The following KIF6 variants were observed in gnomAD, a reference collection of about 807,000 sequenced individuals.
KIF6 encodes kinesin family member 6.
A neutral mutation model predicts 112.7 loss-of-function variants in KIF6; 106 were observed. That is an observed-to-expected ratio of 0.94 (90% CI 0.80 to 1.11). KIF6 has a LOEUF of 1.11. KIF6 is among the 50% of genes least tolerant of loss of function. The probability of loss-of-function intolerance (pLI) is 0.00; values close to 1 mark genes in which losing one functional copy is unlikely to be tolerated. For synonymous variants in KIF6, 339 were observed against 339.9 expected, an observed-to-expected ratio of 1.00 and a Z score of 0.03; for missense variants, 929 against 964.0, an observed-to-expected ratio of 0.96 and a Z score of 0.48.
chr6:39,453,363 T>A (rs904298716), intron 13 of KIF6, among the ~76,000 whole-genome samples: 3 of 152,228 alleles, frequency 2.0e-5, no homozygotes, highest in African/African-American at 7.2e-5. Flanking sequence ...AGTTTGTGTT[T>A]TCTGGAATGG....
chr6:39,712,079 A>G (rs1789589106), intron 3 of KIF6, among the ~76,000 whole-genome samples: 3 of 152,176 alleles, frequency 2.0e-5, no homozygotes, highest in Admixed American at 2.0e-4. Context: ...AGGGAGTATA[A>G]TAAAGAGGAG....
chr6:39,536,363 T>C (rs1778425372), intron 13 of KIF6, among the ~76,000 whole-genome samples: 1 of 151,666 alleles, frequency 6.6e-6, no homozygotes, highest in Non-Finnish European at 1.5e-5. Flanking sequence ...ATAGATGCAA[T>C]AAAAAATGAT....
rs11753350 is a variant in KIF6 at position 39,611,591 on chromosome 6, C to T, written c.639+1598G>A. 4.4e-3 allele frequency among the ~76,000 whole-genome samples: 672 copies of T among 152,272 alleles called. 5 individuals carry two copies. The highest frequency in any genetic ancestry group is 7.4e-3 in the Non-Finnish European group (501 of 68,026). ...GTACTTCTCTAGGGATGGATCGCCT[C>T]CGAAAGAAAGTCAGTTAGCACTGAG... On this transcript the variant is annotated intron_variant, in intron 6 of 22. Coordinates refer to ENST00000287152, the MANE Select transcript of KIF6 (RefSeq NM_145027.6).
chr6:39,496,944 C>T (rs1775820665), intron 13 of KIF6, among the ~76,000 whole-genome samples: 1 of 152,206 alleles, frequency 6.6e-6, no homozygotes, highest in Non-Finnish European at 1.5e-5. Flanking sequence ...TGCCACCATG[C>T]TAGATTAATT....
intron 3 of KIF6, among the ~76,000 whole-genome samples, chr6:39,640,034 A>T (rs1031969054): frequency 8.5e-5 from 13 of 152,088 alleles, no homozygotes; most frequent in African/African-American, 3.1e-4. Flanking sequence ...ACTGGACTTG[A>T]ATCAAAGAAT....
Position 39,342,194 on chromosome 6 carries a change from G to A in KIF6, c.2428+1515C>T, listed in dbSNP as rs1018443761. Among the ~76,000 whole-genome samples, 1 of 152,202 alleles carries A rather than the reference G, an allele frequency of 6.6e-6. No homozygotes were observed. The highest frequency in any genetic ancestry group is 1.5e-5 in the Non-Finnish European group (1 of 68,044). On this transcript the variant is annotated intron_variant, in intron 22 of 22. Coordinates refer to ENST00000287152, the MANE Select transcript of KIF6 (RefSeq NM_145027.6). The surrounding 1 kb of genome is among the most constrained non-coding windows in gnomAD (Gnocchi z 4.7). ...CTGTGCATTCCCAGAACGCGGCGTA[G>A]CTGCTCCATTCTCATGATGCAGCTG...
At chr6:39,500,643 C>G (rs112921652) in intron 13 of KIF6, among the ~76,000 whole-genome samples, 275 of 152,310 alleles carry the variant, frequency 1.8e-3, no homozygotes, top group African/African-American at 5.8e-3. Flanking sequence ...AATGTTACTA[C>G]TTCATAGGGT....
intron 15 of KIF6, among the ~76,000 whole-genome samples, chr6:39,408,470 A>G (rs1197677734): frequency 2.0e-5 from 3 of 152,236 alleles, no homozygotes; most frequent in East Asian, 3.8e-4. Flanking sequence ...CTGTTACAAG[A>G]AAGTAGTTAA....
chr6:39,445,741 C>G (rs111267572), intron 13 of KIF6, among the ~76,000 whole-genome samples: 5,289 of 152,226 alleles, frequency 0.035, 134 homozygotes, highest in African/African-American at 0.049. Flanking sequence ...CACTGAGAAG[C>G]AGGAGCTAGA....
chr6:39,346,220 C>G, intron 20 of KIF6: 1 of 591,284 alleles, frequency 1.7e-6, no homozygotes, highest in Non-Finnish European at 3.1e-6. Context: ...GGAAGGAAGC[C>G]CTCAGCAGGA....
At position 39,545,603 on chromosome 6, in the gene KIF6, G is replaced by T. The variant is rs1302789317; in HGVS notation, c.1267C>A (p.His423Asn). The T allele has an allele frequency of 1.9e-6, 3 of 1,611,324 alleles. No individual in the cohort carries two copies. In the South Asian group the frequency reaches 3.3e-5, roughly 18 times the overall value. The change falls in exon 11 of 23, where the codon CAC becomes AAC. Residue 423 changes from histidine (H) to asparagine (N), a missense_variant. Physicochemically the swap from His to Asn is moderately conservative, Grantham distance 68. Coordinates refer to ENST00000287152, the MANE Select transcript of KIF6 (RefSeq NM_145027.6). ...EVGADMRKVH[H>N]CFHHLKKLLN... ...TTTACCTTTAAATGATGAAAACAGT[G>T]ATGAACTTTACGCATATCCGCGCCA...
intron 13 of KIF6, among the ~76,000 whole-genome samples, chr6:39,481,448 C>G (rs1383935207): frequency 6.6e-6 from 1 of 152,230 alleles, no homozygotes; most frequent in Non-Finnish European, 1.5e-5. Context: ...ATACACATCT[C>G]TGCCTTATTT....
chr6:39,520,601 G>A (rs1033885719), intron 13 of KIF6, among the ~76,000 whole-genome samples: 6 of 152,228 alleles, frequency 3.9e-5, no homozygotes, highest in Admixed American at 3.9e-4. Context: ...ATCAGAAAGT[G>A]AGGAACCAAA....
chr6:39,725,178 G>C, intron 1 of KIF6, 67 bp downstream of exon 1: 1 of 1,411,770 alleles, frequency 7.1e-7, no homozygotes, highest in Non-Finnish European at 9.8e-7. Context: ...GCCCCTTCGC[G>C]TGCCGCCGCC....
At chr6:39,552,216 A>G (rs1779427284) in intron 10 of KIF6, among the ~76,000 whole-genome samples, 1 of 152,192 alleles carries the variant, frequency 6.6e-6, no homozygotes, top group African/African-American at 2.4e-5. Flanking sequence ...ATAGTCAACC[A>G]TGTCCTGAGC....
chr6:39,342,784 A>G lies in KIF6; in HGVS notation c.2428+925T>C. On this transcript the variant is annotated intron_variant, in intron 22 of 22. Transcript: ENST00000287152. This position sits in a 1 kb window ranked among gnomAD's most constrained non-coding sequence, Gnocchi z 4.7. ...AGCAGGCTGGCGGCCAAGCAAGGCG[A>G]GTACAGGACCAAGGCCGGCTCTCAG... 1 of 985,324 alleles carries G rather than the reference A, an allele frequency of 1.0e-6. No individual in the cohort carries two copies. 61.0% of individuals were successfully genotyped at this position (985,324 alleles called of 1,614,324 possible). A position where few individuals can be genotyped will look rare whatever the true frequency, so the allele number is the denominator to read the frequency against.
At chr6:39,379,601 A>G (rs1184579519) in intron 16 of KIF6, among the ~76,000 whole-genome samples, 2 of 152,218 alleles carry the variant, frequency 1.3e-5, no homozygotes, top group Non-Finnish European at 2.9e-5. Flanking sequence ...GGCTTCACAG[A>G]GGAGGTCAAT....
rs895090551 is a variant in KIF6 at position 39,362,624 on chromosome 6, C to T, written c.1862-106G>A. 8.2e-6 allele frequency: 7 copies of T among 851,870 alleles called. No homozygotes were observed. In the East Asian group the frequency reaches 1.7e-4, roughly 21 times the overall value. 52.8% of individuals were successfully genotyped at this position (851,870 alleles called of 1,614,324 possible). A position where few individuals can be genotyped will look rare whatever the true frequency, so the allele number is the denominator to read the frequency against. ...CAAGGGCACCCCAAGAAGAAAGGAG[C>T]CTCTGTGAGTTCCTTCTGGGGCCTC... On this transcript the variant is annotated intron_variant, in intron 16 of 22. Coordinates refer to ENST00000287152, the MANE Select transcript of KIF6 (RefSeq NM_145027.6).
At chr6:39,391,143 G>T (rs1767855584) in intron 15 of KIF6, among the ~76,000 whole-genome samples, 1 of 152,170 alleles carries the variant, frequency 6.6e-6, no homozygotes, top group Non-Finnish European at 1.5e-5. Context: ...GAGACTATCA[G>T]GAAGACATTG....
Sources: gnomAD v4.1 joint callset for allele counts (sites outside exome capture counted in the v4.1 genomes callset) on GRCh38, gnomAD v4.1.1 for gene constraint, Gnocchi (gnomAD v3.1) non-coding constraint, MANE v1.5 for transcripts, NCBI Gene and HGNC (gene_info 2026-07-23, HGNC 2026-07-21) for gene names.